PRICKLE2: variants seen among roughly 807,000 people sequenced by gnomAD.
PRICKLE2 encodes prickle planar cell polarity protein 2.
In PRICKLE2, 21 loss-of-function variants were observed where a neutral mutation model predicts 81.4. The ratio of observed to expected loss-of-function variants is 0.26; its 90% CI spans 0.18 to 0.37. The LOEUF (loss-of-function observed/expected upper bound fraction) is 0.37, where lower values mean the gene tolerates loss of function less well. PRICKLE2 is among the 10% of genes least tolerant of loss of function. The pLI is 1.00. For synonymous variants in PRICKLE2, 456 were observed against 421.5 expected (o/e 1.08, Z -1.00); for missense variants, 940 against 1,109.0 (o/e 0.85, Z 2.16).
At chr3:64,241,105 G>A (rs1029381787) in intron 2 of PRICKLE2, among the ~76,000 whole-genome samples, 2 of 152,220 alleles carry the variant, frequency 1.3e-5, no homozygotes, top group Non-Finnish European at 2.9e-5. Context: ...TGCTGTCATA[G>A]AATGCAAGCT....
At chr3:64,140,558 T>C (rs1424111026) in intron 7 of PRICKLE2, among the ~76,000 whole-genome samples, 1 of 152,176 alleles carries the variant, frequency 6.6e-6, no homozygotes, top group Non-Finnish European at 1.5e-5. Context: ...CCAGTTGTCC[T>C]GTGGTGTGGC....
chr3:64,191,598 G>A (rs62251772), intron 2 of PRICKLE2, among the ~76,000 whole-genome samples: 18,651 of 152,262 alleles, frequency 0.12, 1,302 homozygotes, highest in East Asian at 0.22. Context: ...AATAATGTTG[G>A]TTGAGTATTA....
At chr3:64,176,976 A>G (rs1280322890) in intron 2 of PRICKLE2, among the ~76,000 whole-genome samples, 1 of 152,190 alleles carries the variant, frequency 6.6e-6, no homozygotes, top group Non-Finnish European at 1.5e-5. Flanking sequence ...CTTTAGAGAA[A>G]CAGACAGGAA....
intron 1 of PRICKLE2, among the ~76,000 whole-genome samples, chr3:64,206,776 G>T (rs1002901166): frequency 6.6e-6 from 1 of 152,246 alleles, no homozygotes; most frequent in Admixed American, 6.5e-5. Context: ...AAGGCCAGAG[G>T]TGGGAAAACA....
chr3:64,182,701 T>C (rs962418939), intron 2 of PRICKLE2: 1 of 152,120 alleles, frequency 6.6e-6, no homozygotes, highest in Admixed American at 6.6e-5. Context: ...CTTTATAAAT[T>C]ACACTGTCTC....
At chr3:64,175,951 C>T (rs1018891777) in intron 2 of PRICKLE2, among the ~76,000 whole-genome samples, 1 of 152,026 alleles carries the variant, frequency 6.6e-6, no homozygotes, top group South Asian at 2.1e-4. Flanking sequence ...TTTATAAAAA[C>T]CATGAAGCAC....
At chr3:64,205,626 T>G (rs2078673852) in intron 1 of PRICKLE2, among the ~76,000 whole-genome samples, 1 of 152,176 alleles carries the variant, frequency 6.6e-6, no homozygotes, top group Non-Finnish European at 1.5e-5. Flanking sequence ...GGATCTTCCT[T>G]TAGAACATGA....
At chr3:64,254,985 G>A (rs1340439204) in intron 2 of PRICKLE2, among the ~76,000 whole-genome samples, 2 of 152,104 alleles carry the variant, frequency 1.3e-5, no homozygotes, top group Non-Finnish European at 2.9e-5. Flanking sequence ...TACCTAGCAA[G>A]CATTTAGATA....
At chr3:64,192,584 A>T (rs548495715) in intron 2 of PRICKLE2, among the ~76,000 whole-genome samples, 1 of 152,296 alleles carries the variant, frequency 6.6e-6, no homozygotes, top group African/African-American at 2.4e-5. Flanking sequence ...TACACTCCCA[A>T]AAGAGATATT....
upstream of PRICKLE2, among the ~76,000 whole-genome samples, chr3:64,229,460 G>A (rs540759107): frequency 1.3e-5 from 2 of 152,200 alleles, no homozygotes; most frequent in African/African-American, 4.8e-5. Flanking sequence ...AGAAGGAATG[G>A]ATTTAAACGA....
rs1418459880 is a variant in PRICKLE2, at chr3:64,097,545, T to C, written c.*1506A>G. The C allele has an allele frequency of 6.6e-6, 1 of 152,646 alleles. No individual in the cohort carries two copies. Among genetic ancestry groups the C allele is most frequent in the Admixed American group, 6.5e-5 (1 of 15,284 alleles). The allele number at this position is 152,646 out of a possible 1,614,324, so 9.5% of individuals were successfully genotyped here. A position where few individuals can be genotyped will look rare whatever the true frequency, so the allele number is the denominator to read the frequency against. ...TTAACTGAAGCAAGGTAGGGAGTTT[T>C]ATTTTACTATAAACAGCACAACCGT... On this transcript the variant is annotated 3_prime_UTR_variant, in exon 8 of 8. Coordinates refer to ENST00000638394, the MANE Select transcript of PRICKLE2 (RefSeq NM_198859.4).
chr3:64,117,806 C>A (rs116156070), intron 7 of PRICKLE2, among the ~76,000 whole-genome samples: 3,831 of 152,202 alleles, frequency 0.025, 86 homozygotes, highest in Middle Eastern at 0.065. Flanking sequence ...AATGCTATTT[C>A]TATTAAACTA....
chr3:64,175,439 C>T (rs1010956904), intron 2 of PRICKLE2, among the ~76,000 whole-genome samples: 7 of 152,136 alleles, frequency 4.6e-5, no homozygotes, highest in African/African-American at 1.7e-4. Context: ...TCAGTGGAAA[C>T]ACTCTTCTTT....
rs1034986311 is a variant in PRICKLE2, at chr3:64,197,002, C to T, written c.144+1782G>A. The stretch of plus-strand genomic sequence containing the variant: ...ACCTTGCTGGCTAAACAAATCCTAC[C>T]GTGTCCCTGATTTCATCTGCCAATT... On this transcript the variant is annotated intron_variant, in intron 2 of 7. Coordinates refer to ENST00000638394, the MANE Select transcript of PRICKLE2 (RefSeq NM_198859.4). Among the ~76,000 whole-genome samples the T allele has an allele frequency of 5.9e-5, 9 of 152,100 alleles. No individual in the cohort carries two copies. In the South Asian group the frequency reaches 6.2e-4, roughly 11 times the overall value.
intron 2 of PRICKLE2, among the ~76,000 whole-genome samples, chr3:64,197,119 T>C (rs566481249): frequency 2.0e-5 from 3 of 152,322 alleles, no homozygotes; most frequent in African/African-American, 7.2e-5. Flanking sequence ...AATTCTTGGG[T>C]TCTTCTTTAT....
At chr3:64,225,952 G>A (rs556973168), upstream of PRICKLE2, among the ~76,000 whole-genome samples, 43 of 150,958 alleles carry the variant, frequency 2.8e-4, no homozygotes, top group African/African-American at 1.0e-3. Context: ...TTTGGCCTGA[G>A]ACTATGTCAC....
intron 2 of PRICKLE2, among the ~76,000 whole-genome samples, chr3:64,245,064 T>C (rs955433996): frequency 2.0e-5 from 3 of 152,180 alleles, no homozygotes; most frequent in African/African-American, 7.2e-5. Flanking sequence ...AAATTATTAC[T>C]AATAAGAGGT....
chr3:64,152,858 A>G (rs866760042), intron 6 of PRICKLE2, among the ~76,000 whole-genome samples: 3 of 152,198 alleles, frequency 2.0e-5, no homozygotes, highest in African/African-American at 7.2e-5. Context: ...CCTTTTGAGA[A>G]TGCAAATACT....
chr3:64,267,823 G>A (rs2079733699), intron 2 of PRICKLE2: 1 of 152,188 alleles, frequency 6.6e-6, no homozygotes, highest in Non-Finnish European at 1.5e-5. Flanking sequence ...CCTTTTTCAG[G>A]GGAGCTCCTG....
Sources: allele counts gnomAD v4.1 joint callset (sites outside exome capture counted in the v4.1 genomes callset), GRCh38; gene constraint gnomAD v4.1.1; transcripts MANE v1.5; gene names NCBI Gene and HGNC (gene_info 2026-07-23, HGNC 2026-07-21).